The following ATE1 variants were observed in gnomAD, a reference collection of about 807,000 sequenced individuals.
The protein encoded by ATE1 is arginyltransferase 1.
In ATE1, 36 loss-of-function variants were observed where a neutral mutation model predicts 70.5. That is an observed-to-expected ratio of 0.51 (90% CI 0.39 to 0.67). The LOEUF (loss-of-function observed/expected upper bound fraction) is 0.67. Among genes scored for constraint, ATE1 ranks in the 30% least tolerant of loss-of-function variants. ATE1 has a pLI of 0.00. For missense variants in ATE1, 593 were observed against 629.5 expected (o/e 0.94, Z 0.62); for synonymous variants, 232 against 219.3 (o/e 1.06, Z -0.51).
intron 11 of ATE1, among the ~76,000 whole-genome samples, chr10:121,746,757 C>CAA (rs11318828): frequency 6.8e-6 from 1 of 147,076 alleles, no homozygotes; most frequent in Non-Finnish European, 1.5e-5. Flanking sequence ...GTAATTGTAG[C>CAA]AAAAAAAAAA....
chr10:121,884,135 C>T (rs1177943380), intron 7 of ATE1, among the ~76,000 whole-genome samples: 1 of 129,992 alleles, frequency 7.7e-6, no homozygotes, highest in Non-Finnish European at 1.6e-5. Context: ...AAAAAAAGCA[C>T]TGCAATTTCA....
chr10:121,926,682 A>T (rs1264431376), intron 1 of ATE1: 6 of 974,616 alleles, frequency 6.2e-6, no homozygotes, highest in Non-Finnish European at 7.3e-6. Context: ...CAAAATACAA[A>T]AATTCTGAAA....
intron 11 of ATE1, among the ~76,000 whole-genome samples, chr10:121,754,166 A>G (rs940493384): frequency 1.3e-5 from 2 of 152,228 alleles, no homozygotes; most frequent in African/African-American, 4.8e-5. Flanking sequence ...GTATAAACTC[A>G]CATATATTGC....
intron 11 of ATE1, among the ~76,000 whole-genome samples, chr10:121,760,872 C>G (rs1945010355): frequency 6.6e-6 from 1 of 152,142 alleles, no homozygotes; most frequent in Admixed American, 6.5e-5. Context: ...AAGAAATTGC[C>G]ACAGCCACCC....
intron 7 of ATE1, among the ~76,000 whole-genome samples, chr10:121,894,230 T>C (rs189279824): frequency 6.6e-6 from 1 of 151,166 alleles, no homozygotes; most frequent in East Asian, 1.9e-4. Context: ...TAAATTCAAC[T>C]AGTTCAATCA....
At chr10:121,847,155 A>T (rs1427075227) in intron 8 of ATE1, among the ~76,000 whole-genome samples, 1 of 152,210 alleles carries the variant, frequency 6.6e-6, no homozygotes, top group Non-Finnish European at 1.5e-5. Context: ...CTGTCTTTAA[A>T]AATAATCATG....
intron 11 of ATE1, among the ~76,000 whole-genome samples, chr10:121,757,219 C>A (rs544551162): frequency 6.6e-6 from 1 of 152,204 alleles, no homozygotes; most frequent in South Asian, 2.1e-4. Flanking sequence ...CAGTTCCCAA[C>A]GAGTTCCTCA....
At chr10:121,890,765 T>G (rs531096399) in intron 7 of ATE1, among the ~76,000 whole-genome samples, 1 of 152,190 alleles carries the variant, frequency 6.6e-6, no homozygotes, top group African/African-American at 2.4e-5. Flanking sequence ...TCACATAGAA[T>G]TACTGGTATC....
In ATE1 at chr10:121,797,492, C is replaced by T. The variant is rs113069938; in HGVS notation, c.1258-7203G>A. 1.2e-4 allele frequency among the ~76,000 whole-genome samples: 19 copies of T among 152,180 alleles called. 1 individual carries two copies. The East Asian group carries it at 2.5e-3, about 20-fold the overall frequency. On this transcript the variant is annotated intron_variant, in intron 10 of 11. Coordinates refer to ENST00000224652, the MANE Select transcript of ATE1 (RefSeq NM_001001976.3). ...TACCCATTAGCAGTCACTCCACATC[C>T]CCTTGCCCCCTAGCCCCTAGCAACC...
intron 5 of ATE1, among the ~76,000 whole-genome samples, chr10:121,910,074 T>C (rs1483018396): frequency 2.6e-5 from 4 of 152,176 alleles, no homozygotes; most frequent in African/African-American, 9.7e-5. Context: ...TCTTGAACTA[T>C]TAGTATTAAT....
intron 9 of ATE1, among the ~76,000 whole-genome samples, chr10:121,839,878 T>C (rs1948565314): frequency 6.6e-6 from 1 of 152,168 alleles, no homozygotes; most frequent in South Asian, 2.1e-4. Context: ...TCTTTTATAA[T>C]TCATAAAAAA....
Position 121,888,478 on chromosome 10 carries a change from A to C in ATE1, c.942+11388T>G, listed in dbSNP as rs530605920. Among the ~76,000 whole-genome samples the C allele has an allele frequency of 4.6e-5, 7 of 152,324 alleles. No homozygotes were observed. The South Asian group carries it at 1.0e-3, about 23-fold the overall frequency. On this transcript the variant is annotated intron_variant, in intron 7 of 11. Transcript: ENST00000224652. ...GAGCAAACCAAGTGACAACAGACTTAAATGTCCCCATCACAAATGAAGGAC... is the reference window on the plus strand; with the variant it reads ...GAGCAAACCAAGTGACAACAGACTTCAATGTCCCCATCACAAATGAAGGAC...
At chr10:121,822,014 G>A (rs919827934) in intron 10 of ATE1, among the ~76,000 whole-genome samples, 12 of 152,030 alleles carry the variant, frequency 7.9e-5, no homozygotes, top group African/African-American at 2.7e-4. Context: ...CTAAACACAC[G>A]CATACCCTAT....
intron 10 of ATE1, among the ~76,000 whole-genome samples, chr10:121,797,056 A>C (rs1946686090): frequency 6.6e-6 from 1 of 152,236 alleles, no homozygotes; most frequent in African/African-American, 2.4e-5. Flanking sequence ...ATCATATCTT[A>C]CTGGATAACA....
intron 10 of ATE1, among the ~76,000 whole-genome samples, chr10:121,794,322 T>C (rs1399035861): frequency 2.0e-5 from 3 of 152,144 alleles, no homozygotes; most frequent in Non-Finnish European, 4.4e-5. Context: ...ACAAAAATAT[T>C]ACCAACATGA....
chr10:121,905,921 A>C (rs891855583), intron 5 of ATE1, among the ~76,000 whole-genome samples: 1 of 152,172 alleles, frequency 6.6e-6, no homozygotes, highest in East Asian at 1.9e-4. Flanking sequence ...TTGCTTCAAC[A>C]GAATGAAAAT....
chr10:121,885,050 C>A (rs1441951755), intron 7 of ATE1, among the ~76,000 whole-genome samples: 1 of 150,626 alleles, frequency 6.6e-6, no homozygotes, highest in Non-Finnish European at 1.5e-5. Flanking sequence ...CACCTGAGAT[C>A]CAGAGTTTAA....
intron 8 of ATE1, among the ~76,000 whole-genome samples, chr10:121,846,139 A>AC (rs34407194): frequency 0.58 from 84,977 of 146,916 alleles, 28,169 homozygotes; most frequent in South Asian, 0.77. Flanking sequence ...AAAAAAAAAA[A>AC]ACCCAAAACC....
At chr10:121,927,292 T>C in intron 1 of ATE1, 1 of 984,330 alleles carries the variant, frequency 1.0e-6, no homozygotes, top group Non-Finnish European at 1.2e-6. Context: ...ACAGAATCCC[T>C]CGCCGGTAGC....
Sources: allele counts gnomAD v4.1 joint callset (sites outside exome capture counted in the v4.1 genomes callset), GRCh38; gene constraint gnomAD v4.1.1; transcripts MANE v1.5; gene names NCBI Gene and HGNC (gene_info 2026-07-23, HGNC 2026-07-21).